IL22RA1: variants seen among roughly 807,000 people sequenced by gnomAD.
IL22RA1 encodes interleukin 22 receptor subunit alpha 1.
In IL22RA1, 25 loss-of-function variants were observed where a neutral mutation model predicts 32.8. That is an observed-to-expected ratio of 0.76 (90% CI 0.55 to 1.06). IL22RA1 has a LOEUF of 1.06. IL22RA1 is among the 50% of genes least tolerant of loss of function. The pLI, the probability that IL22RA1 is intolerant of heterozygous loss-of-function variation, is 0.00. For synonymous variants in IL22RA1, 305 were observed against 305.0 expected (o/e 1.00, Z 0.00); for missense variants, 709 against 727.4 (o/e 0.97, Z 0.29).
intron 3 of IL22RA1, among the ~76,000 whole-genome samples, chr1:24,135,679 T>C (rs74778346): frequency 0.016 from 2,407 of 152,220 alleles, 86 homozygotes; most frequent in African/African-American, 0.055. Context: ...ACTTACAAAA[T>C]GGGAGGCAAA....
At chr1:24,123,515 C>A in intron 5 of IL22RA1, 92 bp from the exon 6 acceptor site, 7 of 1,548,008 alleles carry the variant, frequency 4.5e-6, no homozygotes, top group Non-Finnish European at 6.1e-6. Flanking sequence ...TGCTGAAAAC[C>A]CTCTCTGGCT....
In IL22RA1 at chr1:24,121,647, G is replaced by C. The variant is rs750974054; in HGVS notation, c.883C>G (p.Leu295Val). The change falls in exon 7 of 7, where the codon CTG becomes GTG. Residue 295 changes from leucine to valine, a missense_variant. Physicochemically the swap from Leu to Val is conservative, Grantham distance 32. Transcript: ENST00000270800. Reference sequence around the variant, plus strand: ...TGGGAGTACTGGACAGGCTGGGCCAGACTGCTGGGGCCGCTGAGGTCAAAG... The same window carrying C: ...TGGGAGTACTGGACAGGCTGGGCCACACTGCTGGGGCCGCTGAGGTCAAAG... ...PVFDLSGPSS[L>V]AQPVQYSQIR... 1 of 1,610,656 alleles carries C rather than the reference G, an allele frequency of 6.2e-7. No individual in the cohort carries two copies. The highest frequency in any genetic ancestry group is 1.1e-5 in the South Asian group (1 of 90,724).
chr1:24,125,717 G>A (rs1287557373), intron 5 of IL22RA1, among the ~76,000 whole-genome samples: 1 of 152,092 alleles, frequency 6.6e-6, no homozygotes, highest in African/African-American at 2.4e-5. Flanking sequence ...TTCCTCCTCT[G>A]TAAAACGAGG....
intron 4 of IL22RA1, among the ~76,000 whole-genome samples, chr1:24,132,487 A>T (rs1644212940): frequency 6.6e-6 from 1 of 151,540 alleles, no homozygotes; most frequent in African/African-American, 2.4e-5. Context: ...GCCCACTACC[A>T]TGCCCGGCTA....
chr1:24,130,247 C>CCTAGACAGAAACCCTTTATTCT (rs1267254888), intron 4 of IL22RA1, among the ~76,000 whole-genome samples: 2 of 152,098 alleles, frequency 1.3e-5, no homozygotes. Context: ...AATGGCTAAA[C>CCTAGACAGAAACCCTTTATTCT]CTAGACAGAA....
At chr1:24,134,855 A>G in intron 3 of IL22RA1, 1 of 984,604 alleles carries the variant, frequency 1.0e-6, no homozygotes, top group Non-Finnish European at 1.2e-6. Context: ...CTCTCTCAAG[A>G]TGGAATTTTC....
At position 24,128,174 on chromosome 1, in the gene IL22RA1, C is replaced by T. The variant is rs757399703; in HGVS notation, c.637G>A (p.Ala213Thr). Residue 213 changes from alanine (A) to threonine (T), a missense_variant, in exon 5 of 7, where the codon GCC (alanine) becomes ACC (threonine). By Grantham distance (58) the Ala-to-Thr change is moderately conservative. Transcript: ENST00000270800. ...GTCTTCACTCGGCACATGTAGGGGGCACTCTCCTTGGCCCAGGTGGGAACG... is the reference window on the plus strand; with the variant it reads ...GTCTTCACTCGGCACATGTAGGGGGTACTCTCCTTGGCCCAGGTGGGAACG... ...ICVPTWAKESAPYMCRVKTLP... is the reference protein window; with the variant it reads ...ICVPTWAKESTPYMCRVKTLP... 6 of 1,582,398 alleles carry T rather than the reference C, an allele frequency of 3.8e-6. No individual in the cohort carries two copies. Among genetic ancestry groups the T allele is most frequent in the Non-Finnish European group, 5.2e-6 (6 of 1,163,854 alleles).
intron 4 of IL22RA1, among the ~76,000 whole-genome samples, chr1:24,133,199 G>C (rs1322195822): frequency 1.3e-5 from 2 of 151,450 alleles, no homozygotes; most frequent in Non-Finnish European, 1.5e-5. Flanking sequence ...ATGCATATTA[G>C]GCTTTCTGGA....
At chr1:24,131,282 G>A (rs550867437) in intron 4 of IL22RA1, among the ~76,000 whole-genome samples, 1 of 152,298 alleles carries the variant, frequency 6.6e-6, no homozygotes, top group African/African-American at 2.4e-5. Flanking sequence ...TTGTGAATAG[G>A]CAAGTAACAC....
At chr1:24,137,867 G>T (rs1359305343) in intron 2 of IL22RA1, among the ~76,000 whole-genome samples, 2 of 152,118 alleles carry the variant, frequency 1.3e-5, no homozygotes, top group African/African-American at 2.4e-5. Context: ...GAAGTAAATT[G>T]CCCACGTGTT....
At chr1:24,125,098 C>A (rs930192329) in intron 5 of IL22RA1, among the ~76,000 whole-genome samples, 8 of 152,040 alleles carry the variant, frequency 5.3e-5, no homozygotes, top group Admixed American at 5.2e-4. Flanking sequence ...TCTGGTCTAC[C>A]CTTTAATAAT....
chr1:24,132,249 AG>A (rs1444758094), intron 4 of IL22RA1, among the ~76,000 whole-genome samples: 1 of 152,066 alleles, frequency 6.6e-6, no homozygotes, highest in Non-Finnish European at 1.5e-5. Flanking sequence ...GTTGACTGGA[AG>A]GGGACCCAAG....
Position 24,138,657 on chromosome 1 carries a change from T to A in IL22RA1, c.101A>T (p.Asn34Ile). Residue 34 changes from asparagine (N) to isoleucine (I), a missense_variant, in exon 2 of 7, where the codon AAC becomes ATC. Transcript: ENST00000270800. ...GTCCCACGTCAGGATGTTTTCAAAGTTGCTGGACTGGAATTTCACGTGCTG... is the reference window on the plus strand; with the variant it reads ...GTCCCACGTCAGGATGTTTTCAAAGATGCTGGACTGGAATTTCACGTGCTG... ...LLQHVKFQSS[N>I]FENILTWDSG... is the part of the protein sequence containing the mutation. The A allele has an allele frequency of 6.2e-7, 1 of 1,614,188 alleles. No homozygotes were observed. The highest frequency in any genetic ancestry group is 8.5e-7 in the Non-Finnish European group (1 of 1,180,028).
intron 4 of IL22RA1, among the ~76,000 whole-genome samples, chr1:24,130,454 A>G (rs1056618342): frequency 2.0e-5 from 3 of 152,250 alleles, no homozygotes; most frequent in African/African-American, 7.2e-5. Context: ...CAGCCCAGGT[A>G]AAGTTAACCA....
chr1:24,128,015 A>T (rs1644176712), intron 5 of IL22RA1, 126 bp downstream of exon 5: 3 of 924,928 alleles, frequency 3.2e-6, no homozygotes, highest in South Asian at 2.3e-5. Context: ...CTTCAATAAC[A>T]CACTGATAAC....
chr1:24,138,823 T>C lies in IL22RA1; in HGVS notation c.44-109A>G. On this transcript the variant is annotated intron_variant, in intron 1 of 6. Coordinates refer to ENST00000270800, the MANE Select transcript of IL22RA1 (RefSeq NM_021258.4). ...ATATAAATTTCATGCAAAGTGCCTTTGCTTTCAAGATGCCAGCCTGGTGGG... is the reference window on the plus strand; with the variant it reads ...ATATAAATTTCATGCAAAGTGCCTTCGCTTTCAAGATGCCAGCCTGGTGGG... 3.7e-6 allele frequency: 5 copies of C among 1,335,672 alleles called. No homozygotes were observed. The South Asian group carries it at 7.0e-5, about 19-fold the overall frequency. The allele number at this position is 1,335,672 out of a possible 1,614,324, so 82.7% of individuals were successfully genotyped here.
At chr1:24,134,420 AAGTC>A (rs1281808224) in intron 3 of IL22RA1, 34 bp from the exon 4 acceptor site, 22 of 1,446,474 alleles carry the variant, frequency 1.5e-5, no homozygotes, top group African/African-American at 2.9e-5. Flanking sequence ...AGAAAAGAAA[AAGTC>A]AGAATCGGTG....
Position 24,123,621 on chromosome 1 carries a change from T to A in IL22RA1, c.671-198A>T, listed in dbSNP as rs774201328. The A allele has an allele frequency of 2.6e-4, 314 of 1,217,264 alleles. 1 individual carries two copies. Among genetic ancestry groups the A allele is most frequent in the Non-Finnish European group, 3.8e-5 (35 of 914,854 alleles). The allele number at this position is 1,217,264 out of a possible 1,614,324, so 75.4% of individuals were successfully genotyped here. ...ATAGTCAGAATTTACAAATTATATT[T>A]TTACACTGTTAAATAAATAAAATGT... On this transcript the variant is annotated intron_variant, in intron 5 of 6. Transcript: ENST00000270800.
At chr1:24,139,180 CCTACTCTAGA>C (rs1162520943) in intron 1 of IL22RA1, among the ~76,000 whole-genome samples, 2 of 152,332 alleles carry the variant, frequency 1.3e-5, no homozygotes, top group East Asian at 3.9e-4. Context: ...TGTGAATGTC[CCTACTCTAGA>C]CTTTTTATGT....
Sources: gnomAD v4.1 joint callset for allele counts (sites outside exome capture counted in the v4.1 genomes callset) on GRCh38, gnomAD v4.1.1 for gene constraint, MANE v1.5 for transcripts, NCBI Gene and HGNC (gene_info 2026-07-23, HGNC 2026-07-21) for gene names.